GRHL3: variants seen among roughly 807,000 people sequenced by gnomAD.
GRHL3 encodes grainyhead-like protein 3 homolog.
Under a neutral mutation model 70.3 loss-of-function variants are expected in GRHL3, and 20 were observed. The observed-to-expected ratio is 0.28, with a 90% CI of 0.20 to 0.41. The LOEUF (loss-of-function observed/expected upper bound fraction) is 0.41, where lower values mean the gene tolerates loss of function less well. GRHL3 is among the 10% of genes least tolerant of loss of function. GRHL3 has a pLI of 1.00. For missense variants in GRHL3, 637 were observed against 762.3 expected, an observed-to-expected ratio of 0.84 and a Z score of 1.94; for synonymous variants, 299 against 299.9, an observed-to-expected ratio of 1.00 and a Z score of 0.03.
intron 11 of GRHL3, chr1:24,343,253 C>T (rs533951772): frequency 4.6e-5 from 24 of 522,872 alleles, no homozygotes; most frequent in African/African-American, 3.2e-4. Flanking sequence ...ACCATTAAAA[C>T]GTTCATGCTT....
At chr1:24,356,329 G>A (rs1292309651), downstream of GRHL3, among the ~76,000 whole-genome samples, 4 of 151,610 alleles carry the variant, frequency 2.6e-5, no homozygotes, top group South Asian at 2.1e-4. Flanking sequence ...TGCAAGCTCC[G>A]CCTCCCGGGT....
At chr1:24,323,057 G>A (rs1639261102) in intron 1 of GRHL3, 1 of 1,548,874 alleles carries the variant, frequency 6.5e-7, no homozygotes, top group Non-Finnish European at 8.7e-7. Context: ...GTGCCAAACT[G>A]TTAAGAGTGG....
In GRHL3 at chr1:24,322,536, G is replaced by A. The variant is rs1639236577; in HGVS notation, c.17+2968G>A. On this transcript the variant is annotated intron_variant, in intron 1 of 15. Coordinates refer to ENST00000361548, the MANE Select transcript of GRHL3 (RefSeq NM_198173.3). This position sits in a 1 kb window ranked among gnomAD's most constrained non-coding sequence, Gnocchi z 4.4. ...AAGTTAAAAGCCCTCTTTGAGTTCGGGCTGTAAAACTGGCGGACTGGGCCG... is the reference window on the plus strand; with the variant it reads ...AAGTTAAAAGCCCTCTTTGAGTTCGAGCTGTAAAACTGGCGGACTGGGCCG... Among the ~76,000 whole-genome samples the A allele has an allele frequency of 6.6e-6, 1 of 152,254 alleles. No homozygotes were observed. Among genetic ancestry groups the A allele is most frequent in the South Asian group, 2.1e-4 (1 of 4,838 alleles).
At chr1:24,364,181 C>T (rs1641299013) in intron 15 of GRHL3, 1 of 1,490,522 alleles carries the variant, frequency 6.7e-7, no homozygotes, top group Admixed American at 2.5e-5. Flanking sequence ...TCACTTTCTT[C>T]CAGGGAAACT....
In GRHL3 at chr1:24,339,521, C is replaced by T. The variant is rs1639957112; in HGVS notation, c.953-147C>T. On this transcript the variant is annotated intron_variant, in intron 7 of 15. Coordinates refer to ENST00000361548, the MANE Select transcript of GRHL3 (RefSeq NM_198173.3). Reference sequence around the variant, plus strand: ...GTCTCCATCTCCTGACCTTGTGATCCCCCTGCCTCGGCCTCCCAAAGTGCT... The same window carrying T: ...GTCTCCATCTCCTGACCTTGTGATCTCCCTGCCTCGGCCTCCCAAAGTGCT... The T allele has an allele frequency of 3.3e-5, 18 of 546,650 alleles. No individual in the cohort carries two copies. The South Asian group carries it at 4.2e-4, about 13-fold the overall frequency. 33.9% of individuals were successfully genotyped at this position (546,650 alleles called of 1,614,324 possible).
At chr1:24,364,177 T>C (rs766651546) in intron 15 of GRHL3, 1 of 1,489,678 alleles carries the variant, frequency 6.7e-7, no homozygotes, top group South Asian at 1.3e-5. Context: ...GTTCTCACTT[T>C]CTTCCAGGGA....
intron 7 of GRHL3, 52 bp downstream of exon 7, chr1:24,338,155 C>A: frequency 1.6e-6 from 2 of 1,237,298 alleles, no homozygotes; most frequent in African/African-American, 1.5e-5. Flanking sequence ...TCCCCACCCC[C>A]GCATCAATCA....
chr1:24,323,005 G>A (rs376080165), intron 1 of GRHL3: 27 of 1,392,576 alleles, frequency 1.9e-5, no homozygotes, highest in East Asian at 1.0e-4. Context: ...AGGCCACCCC[G>A]CTTCCTCTGT....
chr1:24,347,314 A>G (rs1277725785), intron 13 of GRHL3, among the ~76,000 whole-genome samples, 154 bp from the exon 14 acceptor site: 2 of 152,248 alleles, frequency 1.3e-5, no homozygotes, highest in South Asian at 2.1e-4. Flanking sequence ...AAGAGGGTGC[A>G]TGGGAATCTG....
rs1569928880 is a variant in GRHL3, at chr1:24,352,881, C to T, written c.1695-1493C>T. Among the ~76,000 whole-genome samples, 4 of 152,274 alleles carry T rather than the reference C, an allele frequency of 2.6e-5. No individual in the cohort carries two copies. In the Middle Eastern group the frequency reaches 0.014, roughly 518 times the overall value. On this transcript the variant is annotated intron_variant, in intron 15 of 15. Coordinates refer to ENST00000361548, the MANE Select transcript of GRHL3 (RefSeq NM_198173.3). ...AGTCAGCGCTCAAACCACTGACAGCCCAAGCCTGGACCTTCTTCCTGAGAG... is the reference window on the plus strand; with the variant it reads ...AGTCAGCGCTCAAACCACTGACAGCTCAAGCCTGGACCTTCTTCCTGAGAG...
At chr1:24,335,799 G>A (rs1639782667) in intron 3 of GRHL3, among the ~76,000 whole-genome samples, 1 of 152,006 alleles carries the variant, frequency 6.6e-6, no homozygotes, top group South Asian at 2.1e-4. Context: ...AGCCAGGATG[G>A]TCTCGATCTC....
chr1:24,330,417 A>G (rs1639560471), intron 1 of GRHL3, among the ~76,000 whole-genome samples: 1 of 152,142 alleles, frequency 6.6e-6, no homozygotes. Flanking sequence ...CCACTCACTT[A>G]CTGGGACCTT....
chr1:24,337,038 A>C lies in GRHL3; in HGVS notation c.613-40A>C, dbSNP rs571911318. On this transcript the variant is annotated intron_variant, in intron 4 of 15. Coordinates refer to ENST00000361548, the MANE Select transcript of GRHL3 (RefSeq NM_198173.3). ...CCTGGGCTGAGGCTTCCCAGAGTGA[A>C]TGTGAGCATTTATTCTCTTGGGGCT... 220 of 1,588,776 alleles carry C rather than the reference A, an allele frequency of 1.4e-4. 1 individual carries two copies. In the South Asian group the frequency reaches 2.3e-3, roughly 17 times the overall value.
chr1:24,342,821 GA>G lies in GRHL3; in HGVS notation c.1285+51del, dbSNP rs760196327. 1 of 1,613,888 alleles carries G rather than the reference GA, an allele frequency of 6.2e-7. No homozygotes were observed. Among genetic ancestry groups the G allele is most frequent in the East Asian group, 2.2e-5 (1 of 44,878 alleles). ...GTGGGCTCGGCTGGCGTGAAGGGGA[GA>G]AGGAGACCAGAGGTGGGAGGGACTT... On this transcript the variant is annotated intron_variant, in intron 10 of 15. Coordinates refer to ENST00000361548, the MANE Select transcript of GRHL3 (RefSeq NM_198173.3). This position sits in a 1 kb window ranked among gnomAD's most constrained non-coding sequence, Gnocchi z 4.8.
At position 24,347,523 on chromosome 1, in the gene GRHL3, G is replaced by T; in HGVS notation, c.1599G>T (p.Lys533Asn). The change falls in exon 14 of 16, where the codon AAG (lysine) becomes AAT (asparagine). Residue 533 changes from lysine (K) to asparagine (N), a missense_variant. Physicochemically the swap from Lys to Asn is moderately conservative, Grantham distance 94. This residue lies in a region of GRHL3 where 387 missense variants were observed against 513.8 expected (regional missense o/e 0.75). Transcript: ENST00000361548. ...AGGTGTTTGACGCGCTCATGTTGAA[G>T]ACCCCAGACCTGAAGGGGCTGAGGA... is the stretch of plus-strand genomic sequence containing the variant. ...TEEVFDALML[K>N]TPDLKGLRNA... is the part of the protein sequence containing the mutation. 6 of 1,614,166 alleles carry T rather than the reference G, an allele frequency of 3.7e-6. No homozygotes were observed. Among genetic ancestry groups the T allele is most frequent in the Non-Finnish European group, 4.2e-6 (5 of 1,179,998 alleles).
At position 24,337,113 on chromosome 1, in the gene GRHL3, G is replaced by A. The variant is rs141756434; in HGVS notation, c.648G>A (p.Pro216=). ...TCCCAGATATCCTGAAAACCTCCCC[G>A]GAACCCCCATGTCCAGAGGACTACC... ...MLFPDILKTS[P]EPPCPEDYPS... is the part of the protein sequence containing the mutation. The change falls in exon 5 of 16, where the codon CCG becomes CCA. Residue 216 remains proline, a synonymous_variant. Transcript: ENST00000361548. 313 of 1,614,048 alleles carry A rather than the reference G, an allele frequency of 1.9e-4. No homozygotes were observed. Among genetic ancestry groups the A allele is most frequent in the African/African-American group, 6.5e-4 (49 of 75,024 alleles).
chr1:24,343,096 G>T (rs1381579851), intron 11 of GRHL3, 71 bp downstream of exon 11: 15 of 1,587,028 alleles, frequency 9.5e-6, no homozygotes, highest in Non-Finnish European at 1.3e-5. Context: ...GCCTGCCTTA[G>T]CACAGACCAG....
Position 24,344,937 on chromosome 1 carries a change from G to C in GRHL3, c.1454+6G>C, listed in dbSNP as rs371746996. On this transcript the variant is annotated splice_donor_region_variant and intron_variant, in intron 12 of 15. Coordinates refer to ENST00000361548, the MANE Select transcript of GRHL3 (RefSeq NM_198173.3). The stretch of plus-strand genomic sequence containing the variant: ...GGACCCAGCAGCTCCAACAGGTATG[G>C]AGAGAAACAACCACACGCCTCCCTC... The C allele has an allele frequency of 1.9e-6, 3 of 1,613,362 alleles. No homozygotes were observed. Among genetic ancestry groups the C allele is most frequent in the Non-Finnish European group, 2.5e-6 (3 of 1,179,680 alleles).
At chr1:24,335,327 C>T (rs1008867460) in intron 3 of GRHL3, among the ~76,000 whole-genome samples, 1 of 152,250 alleles carries the variant, frequency 6.6e-6, no homozygotes, top group Non-Finnish European at 1.5e-5. Context: ...CTTTAGAAAG[C>T]GGCCCAGGCC....
Sources: gnomAD v4.1 joint callset for allele counts (sites outside exome capture counted in the v4.1 genomes callset) on GRCh38, gnomAD v4.1.1 for gene constraint, gnomAD v4.1.1 regional missense constraint, Gnocchi (gnomAD v3.1) non-coding constraint, MANE v1.5 for transcripts, NCBI Gene and HGNC (gene_info 2026-07-23, HGNC 2026-07-21) for gene names.